PLEKHA6: variants seen among roughly 807,000 people sequenced by gnomAD.
PLEKHA6 encodes pleckstrin homology domain-containing family A member 6.
PLEKHA6 carries 60 observed loss-of-function variants against 116.7 expected under a neutral mutation model. That is an observed-to-expected ratio of 0.51 (90% confidence interval 0.42 to 0.64). The LOEUF (loss-of-function observed/expected upper bound fraction) is 0.64, where lower values mean the gene tolerates loss of function less well. Ranked by LOEUF, PLEKHA6 falls within the 30% of genes least tolerant of loss-of-function variation. PLEKHA6 has a pLI of 0.00. For synonymous variants in PLEKHA6, 489 were observed against 556.1 expected (o/e 0.88, Z 1.70); for missense variants, 1,338 against 1,422.7 (o/e 0.94, Z 0.96).
At chr1:204,227,354 C>T (rs4614318) in intron 21 of PLEKHA6, among the ~76,000 whole-genome samples, 78,474 of 151,966 alleles carry the variant, frequency 0.52, 20,894 homozygotes, top group African/African-American at 0.66. Flanking sequence ...TTGATTTACC[C>T]ACTGTCTCTC....
intron 1 of PLEKHA6, among the ~76,000 whole-genome samples, chr1:204,312,484 C>G (rs942533063): frequency 6.6e-6 from 1 of 152,210 alleles, no homozygotes; most frequent in South Asian, 2.1e-4. Flanking sequence ...ACAACCTGCC[C>G]TTGCTTGGGT....
chr1:204,255,449 T>C (rs1665146288), intron 9 of PLEKHA6, among the ~76,000 whole-genome samples: 1 of 152,190 alleles, frequency 6.6e-6, no homozygotes, highest in African/African-American at 2.4e-5. Context: ...CCAGCTGTCC[T>C]AAAGGGCTTT....
chr1:204,228,767 T>C lies in PLEKHA6; in HGVS notation c.2846A>G (p.Lys949Arg). Residue 949 changes from lysine to arginine, a missense_variant, in exon 20 of 23, where the codon AAG becomes AGG. Lys to Arg is a conservative substitution (Grantham distance 26). Transcript: ENST00000272203. The surrounding 1 kb of genome is among the most constrained non-coding windows in gnomAD (Gnocchi z 4.0). ...GAGTGTCTTGATCCTCTCCACCTTC[T>C]TCTGCTTCTCCTTCAACTCCTCAGG... ...LSPEELKEKQ[K>R]KVERIKTLIA... 6.2e-7 allele frequency: 1 copy of C among 1,614,034 alleles called. No homozygotes were observed. Among genetic ancestry groups the C allele is most frequent in the Non-Finnish European group, 8.5e-7 (1 of 1,179,944 alleles).
At chr1:204,298,498 A>G (rs551980686) in intron 1 of PLEKHA6, among the ~76,000 whole-genome samples, 4 of 152,154 alleles carry the variant, frequency 2.6e-5, no homozygotes, top group African/African-American at 4.8e-5. Context: ...GAGAATGGCA[A>G]TGACACACAG....
intron 3 of PLEKHA6, among the ~76,000 whole-genome samples, chr1:204,367,615 C>G (rs886288605): frequency 1.3e-5 from 2 of 152,150 alleles, no homozygotes; most frequent in African/African-American, 4.8e-5. Flanking sequence ...CCAACATAAA[C>G]AGACGCACTG....
intron 1 of PLEKHA6, chr1:204,317,297 C>T (rs958161525): frequency 7.0e-6 from 4 of 573,260 alleles, no homozygotes; most frequent in East Asian, 1.4e-4. Flanking sequence ...TTTGGAAAGC[C>T]TTTCCTGATT....
intron 14 of PLEKHA6, among the ~76,000 whole-genome samples, chr1:204,245,219 G>A (rs982862714): frequency 1.3e-5 from 2 of 152,040 alleles, no homozygotes; most frequent in Non-Finnish European, 2.9e-5. Flanking sequence ...TGGGGAAGAC[G>A]GTAGATGGAA....
chr1:204,245,855 C>T (rs1329407156), intron 13 of PLEKHA6, 129 bp from the exon 14 acceptor site: 13 of 290,252 alleles, frequency 4.5e-5, no homozygotes, highest in African/African-American at 1.8e-4. Context: ...TGTACACACA[C>T]ACACACACAC....
In PLEKHA6 at chr1:204,244,866, C is replaced by A; in HGVS notation, c.2170G>T (p.Glu724Ter). 6.4e-7 allele frequency: 1 copy of A among 1,566,336 alleles called. No individual in the cohort carries two copies. The highest frequency in any genetic ancestry group is 1.8e-5 in the Admixed American group (1 of 54,910). ...QGSPTKPGSN[E>*]PKANYEQSKK... ...TTCTACTCCATTTCTCAACTTACCT[C>A]GTTGGAGCCAGGCTTGGTGGGGGAC... The change falls in exon 15 of 23, where the codon GAG (glutamate) becomes TAG (stop). Residue 724 changes from glutamate (E) to a stop codon, truncating the protein, a stop_gained and splice_region_variant. Coordinates refer to ENST00000272203, the MANE Select transcript of PLEKHA6 (RefSeq NM_014935.5). LOFTEE classifies it high-confidence loss of function.
chr1:204,235,437 T>G (rs914315489), intron 17 of PLEKHA6, among the ~76,000 whole-genome samples: 1 of 152,148 alleles, frequency 6.6e-6, no homozygotes, highest in South Asian at 2.1e-4. Context: ...AACTCAGGGA[T>G]TCTATCTCCC....
chr1:204,312,257 G>A (rs888250465), intron 1 of PLEKHA6, among the ~76,000 whole-genome samples: 2 of 152,182 alleles, frequency 1.3e-5, no homozygotes, highest in Admixed American at 1.3e-4. Flanking sequence ...GAAATGTGCA[G>A]AAATGCTTAT....
intron 1 of PLEKHA6, chr1:204,311,777 G>GAAATAA: frequency 1.8e-6 from 1 of 569,164 alleles, no homozygotes; most frequent in Non-Finnish European, 2.2e-6. Context: ...ACTCTAAAGG[G>GAAATAA]AATCATTTTA....
intron 1 of PLEKHA6, among the ~76,000 whole-genome samples, chr1:204,285,667 C>A (rs4617466): frequency 6.6e-6 from 1 of 151,940 alleles, no homozygotes; most frequent in African/African-American, 2.4e-5. Flanking sequence ...AGTAGAGACA[C>A]GGTCTCGCCG....
chr1:204,264,324 C>G (rs1372017840), intron 6 of PLEKHA6, among the ~76,000 whole-genome samples: 1 of 152,098 alleles, frequency 6.6e-6, no homozygotes, highest in Non-Finnish European at 1.5e-5. Context: ...GGGTGGCTCC[C>G]CAGGGGTTCA....
chr1:204,264,368 T>C (rs1282866246), intron 6 of PLEKHA6, among the ~76,000 whole-genome samples: 1 of 152,178 alleles, frequency 6.6e-6, no homozygotes, highest in African/African-American at 2.4e-5. Flanking sequence ...GAAAGGCCCA[T>C]GTTCCTGTGC....
At chr1:204,304,623 G>C (rs1671115020) in intron 1 of PLEKHA6, among the ~76,000 whole-genome samples, 1 of 152,082 alleles carries the variant, frequency 6.6e-6, no homozygotes, top group Non-Finnish European at 1.5e-5. Context: ...AATACATTTT[G>C]CTTTCTGAAA....
chr1:204,232,932 A>G (rs550543288), intron 17 of PLEKHA6, among the ~76,000 whole-genome samples: 3 of 152,270 alleles, frequency 2.0e-5, no homozygotes, highest in Admixed American at 2.0e-4. Context: ...CCTTGTTGGG[A>G]CAGGAATGAC....
chr1:204,328,175 T>C (rs1026187891), intron 1 of PLEKHA6, among the ~76,000 whole-genome samples: 2 of 150,962 alleles, frequency 1.3e-5, no homozygotes, highest in Admixed American at 1.3e-4. Context: ...CTCTGCCTCC[T>C]GGGTTCAAGG....
chr1:204,249,808 C>G (rs1252856431), intron 10 of PLEKHA6, among the ~76,000 whole-genome samples: 1 of 152,154 alleles, frequency 6.6e-6, no homozygotes, highest in Non-Finnish European at 1.5e-5. Flanking sequence ...GATCCACTAC[C>G]CAAGCAGGGC....
Sources: allele counts gnomAD v4.1 joint callset (sites outside exome capture counted in the v4.1 genomes callset), GRCh38; gene constraint gnomAD v4.1.1; non-coding constraint Gnocchi (gnomAD v3.1); transcripts MANE v1.5; gene names NCBI Gene and HGNC (gene_info 2026-07-23, HGNC 2026-07-21).